CEP162: variants seen among roughly 807,000 people sequenced by gnomAD.
The protein encoded by CEP162 is centrosomal protein 162.
Under a neutral mutation model 169.2 loss-of-function variants are expected in CEP162, and 141 were observed. The observed-to-expected ratio is 0.83, with a 90% confidence interval of 0.73 to 0.96. The LOEUF (loss-of-function observed/expected upper bound fraction) is 0.96. CEP162 is among the 40% of genes least tolerant of loss of function. CEP162 has a pLI of 0.00. For synonymous variants in CEP162, 540 were observed against 526.4 expected (o/e 1.03, Z -0.35); for missense variants, 1,600 against 1,587.2 (o/e 1.01, Z -0.14).
intron 23 of CEP162, among the ~76,000 whole-genome samples, chr6:84,151,511 T>C (rs913241251): frequency 1.3e-5 from 2 of 152,056 alleles, no homozygotes; most frequent in Non-Finnish European, 2.9e-5. Flanking sequence ...AGCAATCCAA[T>C]AAATAGTTCT....
Position 84,200,898 on chromosome 6 carries a change from C to T in CEP162, c.726G>A (p.Leu242=). ...CTGCAACAGAGTCTAATGAATCAAG[C>T]AGCACAACTGGAAGAATATAAAAGA... is the stretch of plus-strand genomic sequence containing the variant. ...EKTGMLANVV[L]LDSLDSVAEV... is the part of the protein sequence containing the mutation. Residue 242 remains leucine (L), a synonymous_variant, in exon 9 of 27, where the codon CTG becomes CTA. Transcript: ENST00000403245. 6.3e-7 allele frequency: 1 copy of T among 1,583,648 alleles called. No individual in the cohort carries two copies.
chr6:84,198,074 TA>T (rs1225713382), intron 9 of CEP162, among the ~76,000 whole-genome samples: 1 of 152,124 alleles, frequency 6.6e-6, no homozygotes, highest in Non-Finnish European at 1.5e-5. Flanking sequence ...AATAATTTCA[TA>T]AATAATATTC....
chr6:84,179,847 A>G (rs2099534004), intron 13 of CEP162, among the ~76,000 whole-genome samples: 1 of 152,202 alleles, frequency 6.6e-6, no homozygotes, highest in South Asian at 2.1e-4. Flanking sequence ...TGAGGCAATA[A>G]TTAATAGCCT....
intron 13 of CEP162, among the ~76,000 whole-genome samples, chr6:84,181,523 A>C (rs1260562410): frequency 6.6e-6 from 1 of 152,194 alleles, no homozygotes; most frequent in Non-Finnish European, 1.5e-5. Flanking sequence ...ATAATGGCAC[A>C]TGAGCAGTAC....
intron 11 of CEP162, among the ~76,000 whole-genome samples, chr6:84,189,288 C>G (rs947189570): frequency 1.3e-3 from 199 of 152,286 alleles, no homozygotes; most frequent in Non-Finnish European, 1.1e-3. Context: ...AGCCCTTCAG[C>G]CCCCCACTGC....
chr6:84,209,855 T>A (rs1172477643), intron 6 of CEP162, among the ~76,000 whole-genome samples: 3 of 152,046 alleles, frequency 2.0e-5, no homozygotes, highest in Non-Finnish European at 4.4e-5. Context: ...ACTGACTTCC[T>A]CCCCAGAAAC....
intron 9 of CEP162, among the ~76,000 whole-genome samples, chr6:84,199,797 T>C (rs1182807209): frequency 2.0e-5 from 3 of 152,190 alleles, no homozygotes; most frequent in African/African-American, 7.2e-5. Flanking sequence ...GGACGGCTGA[T>C]GGTGATATGA....
rs1225323493 is a variant in CEP162 at position 84,186,496 on chromosome 6, C to T, written c.1237G>A (p.Val413Met). Residue 413 changes from valine to methionine, a missense_variant, in exon 12 of 27, where the codon GTG becomes ATG. Physicochemically the swap from Val to Met is conservative, Grantham distance 21. Transcript: ENST00000403245. ...NLFFDKNDEN[V>M]ILQKTTNESM... ...TCATTTGTGGTCTTTTGTAAAATCA[C>T]ATTCTCATCATTTTTGTCAAAAAAA... 2 of 1,613,258 alleles carry T rather than the reference C, an allele frequency of 1.2e-6. No individual in the cohort carries two copies. The highest frequency in any genetic ancestry group is 2.2e-5 in the South Asian group (2 of 91,054).
chr6:84,202,080 T>C (rs1365547461), intron 7 of CEP162, among the ~76,000 whole-genome samples: 1 of 152,212 alleles, frequency 6.6e-6, no homozygotes, highest in Non-Finnish European at 1.5e-5. Flanking sequence ...AATTCTCTGG[T>C]TTTTTTGAAT....
rs571312519 is a variant in CEP162, at chr6:84,212,795, C to A, written c.571+162G>T. On this transcript the variant is annotated intron_variant, in intron 6 of 26. Coordinates refer to ENST00000403245, the MANE Select transcript of CEP162 (RefSeq NM_014895.4). ...AAACCTTTTTAAGGCAGTTCACTTT[C>A]AACAATTTCTTAGCAGCTCAGTTTA... is the stretch of plus-strand genomic sequence containing the variant. Among the ~76,000 whole-genome samples the A allele has an allele frequency of 5.3e-5, 8 of 152,206 alleles. No individual in the cohort carries two copies. In the South Asian group the frequency reaches 1.7e-3, roughly 32 times the overall value.
chr6:84,210,796 G>A (rs1459034409), intron 6 of CEP162, among the ~76,000 whole-genome samples: 1 of 152,144 alleles, frequency 6.6e-6, no homozygotes, highest in Non-Finnish European at 1.5e-5. Flanking sequence ...ATCTGCTTAA[G>A]TGGAGAGACC....
At chr6:84,191,229 T>C (rs1174807150) in intron 11 of CEP162, among the ~76,000 whole-genome samples, 2 of 151,046 alleles carry the variant, frequency 1.3e-5, no homozygotes, top group Non-Finnish European at 1.5e-5. Flanking sequence ...AGGAAGTGGA[T>C]TGAGAAGGGA....
At chr6:84,152,100 G>C (rs1378505583) in intron 23 of CEP162, among the ~76,000 whole-genome samples, 1 of 152,190 alleles carries the variant, frequency 6.6e-6, no homozygotes, top group Non-Finnish European at 1.5e-5. Context: ...GGCATGAATG[G>C]ATGTGATCAC....
At chr6:84,188,196 A>G (rs1300217505) in intron 11 of CEP162, among the ~76,000 whole-genome samples, 1 of 152,156 alleles carries the variant, frequency 6.6e-6, no homozygotes. Flanking sequence ...GAAAAAAATT[A>G]GAGGGACAAG....
Position 84,186,369 on chromosome 6 carries a change from T to C in CEP162, c.1364A>G (p.Asn455Ser). 6.8e-7 allele frequency: 1 copy of C among 1,465,870 alleles called. No individual in the cohort carries two copies. Among genetic ancestry groups the C allele is most frequent in the Non-Finnish European group, 9.6e-7 (1 of 1,045,900 alleles). The allele number at this position is 1,465,870 out of a possible 1,614,324, so 90.8% of individuals were successfully genotyped here. A position where few individuals can be genotyped will look rare whatever the true frequency, so the allele number is the denominator to read the frequency against. Residue 455 changes from asparagine (N) to serine (S), a missense_variant, in exon 12 of 27, where the codon AAT becomes AGT. Transcript: ENST00000403245. ...GTCATCCTGAGATAATGATGAAGAA[T>C]TAACAGTTATTTTTTTCCTCAAAAT... is the stretch of plus-strand genomic sequence containing the variant. The part of the protein sequence containing the change: ...LNILRKKITV[N>S]SSSLSQDDKI...
At chr6:84,144,223 G>T (rs892423473) in intron 25 of CEP162, among the ~76,000 whole-genome samples, 1 of 151,940 alleles carries the variant, frequency 6.6e-6, no homozygotes, top group Non-Finnish European at 1.5e-5. Flanking sequence ...GTGATAAATT[G>T]TACAGGAATC....
At chr6:84,150,973 A>G (rs548167469) in intron 23 of CEP162, among the ~76,000 whole-genome samples, 59 of 152,292 alleles carry the variant, frequency 3.9e-4, no homozygotes, top group African/African-American at 1.3e-3. Context: ...TGTATGATTA[A>G]TCCTTTCTTG....
intron 18 of CEP162, 143 bp from the exon 19 acceptor site, chr6:84,163,413 C>T: frequency 1.6e-6 from 1 of 627,842 alleles, no homozygotes; most frequent in Non-Finnish European, 2.8e-6. Flanking sequence ...ACCACCTGCC[C>T]CACCCCAGAA....
At chr6:84,220,241 T>C (rs1208487525) in intron 3 of CEP162, among the ~76,000 whole-genome samples, 1 of 152,232 alleles carries the variant, frequency 6.6e-6, no homozygotes, top group Non-Finnish European at 1.5e-5. Flanking sequence ...TTTACAAAAT[T>C]GTGCTTAACA....
Sources: allele counts gnomAD v4.1 joint callset (sites outside exome capture counted in the v4.1 genomes callset), GRCh38; gene constraint gnomAD v4.1.1; transcripts MANE v1.5; gene names NCBI Gene and HGNC (gene_info 2026-07-23, HGNC 2026-07-21).